The following TCERG1L variants were observed in gnomAD, a reference collection of about 807,000 sequenced individuals.
TCERG1L encodes transcription elongation regulator 1 like, also known as transcription elongation regulator 1-like protein.
TCERG1L carries 37 observed loss-of-function variants against 56.3 expected under a neutral mutation model. The observed-to-expected ratio is 0.66, with a 90% CI of 0.51 to 0.87. The LOEUF (loss-of-function observed/expected upper bound fraction) is 0.87. Among genes scored for constraint, TCERG1L ranks in the 40% least tolerant of loss-of-function variants. The pLI is 0.00. For missense variants in TCERG1L, 799 were observed against 774.2 expected (o/e 1.03, Z -0.38); for synonymous variants, 324 against 326.3 (o/e 0.99, Z 0.08).
At chr10:131,250,667 C>A (rs966107264) in intron 4 of TCERG1L, among the ~76,000 whole-genome samples, 1 of 152,126 alleles carries the variant, frequency 6.6e-6, no homozygotes, top group African/African-American at 2.4e-5. Flanking sequence ...AGTGCCTGCC[C>A]GGGGCCTGCC....
intron 9 of TCERG1L, among the ~76,000 whole-genome samples, chr10:131,107,497 G>C (rs1351283982): frequency 1.3e-5 from 2 of 152,150 alleles, no homozygotes; most frequent in African/African-American, 4.8e-5. Flanking sequence ...CACAGTGGCT[G>C]GGACCCGGGA....
chr10:131,238,756 A>G (rs1845941033), intron 4 of TCERG1L, among the ~76,000 whole-genome samples: 1 of 152,190 alleles, frequency 6.6e-6, no homozygotes, highest in Non-Finnish European at 1.5e-5. Context: ...GGTCCAAGCC[A>G]CTTGCCCATC....
At chr10:131,102,552 ACT>A (rs1478095830) in intron 10 of TCERG1L, among the ~76,000 whole-genome samples, 11 of 151,942 alleles carry the variant, frequency 7.2e-5, no homozygotes, top group African/African-American at 2.7e-4. Context: ...GCTTTATCAG[ACT>A]CTGCTGGTGT....
chr10:131,204,703 G>C (rs1223744768), intron 4 of TCERG1L, among the ~76,000 whole-genome samples: 1 of 152,226 alleles, frequency 6.6e-6, no homozygotes, highest in Non-Finnish European at 1.5e-5. Flanking sequence ...TGCGGGTAAG[G>C]GAAGAATGTT....
Position 131,116,801 on chromosome 10 carries a change from C to T in TCERG1L, c.1393G>A (p.Gly465Arg). The change falls in exon 9 of 12, where the codon GGG becomes AGG. Residue 465 changes from glycine to arginine, a missense_variant and splice_region_variant. By Grantham distance (125) the Gly-to-Arg change is moderately radical. Coordinates refer to ENST00000368642, the MANE Select transcript of TCERG1L (RefSeq NM_174937.4). ...GCCCCTCAGCCGCTGTGCCTTACCC[C>T]TCTCTCCAGCAGCATGTCTCGGAAG... ...THFRDMLLER[G>R]VSAFSTWEKE... is the part of the protein sequence containing the mutation. 6.4e-7 allele frequency: 1 copy of T among 1,560,278 alleles called. No homozygotes were observed. The highest frequency in any genetic ancestry group is 8.7e-7 in the Non-Finnish European group (1 of 1,153,522).
intron 3 of TCERG1L, among the ~76,000 whole-genome samples, chr10:131,263,819 ATC>A (rs948794749): frequency 1.3e-4 from 20 of 152,202 alleles, no homozygotes; most frequent in African/African-American, 3.9e-4. Context: ...TCCCCTTAGG[ATC>A]TCTGTTTGCA....
chr10:131,126,605 G>C (rs758794659), intron 8 of TCERG1L, among the ~76,000 whole-genome samples: 1 of 152,082 alleles, frequency 6.6e-6, no homozygotes, highest in Admixed American at 6.5e-5. Context: ...GCTGGGGACC[G>C]TGTTCATCCA....
At chr10:131,245,262 C>T (rs150142602) in intron 4 of TCERG1L, among the ~76,000 whole-genome samples, 3 of 152,320 alleles carry the variant, frequency 2.0e-5, no homozygotes, top group East Asian at 1.9e-4. Context: ...ATGAAAGGAG[C>T]CTGCAGGAGC....
rs368531720 is a variant in TCERG1L at position 131,280,972 on chromosome 10, T to C, written c.671-20528A>G. Among the ~76,000 whole-genome samples the C allele has an allele frequency of 1.5e-4, 23 of 152,288 alleles. No homozygotes were observed. In the East Asian group the frequency reaches 4.4e-3, roughly 29 times the overall value. On this transcript the variant is annotated intron_variant, in intron 3 of 11. Coordinates refer to ENST00000368642, the MANE Select transcript of TCERG1L (RefSeq NM_174937.4). ...GCCGCACCTTCCCCCTCTGACTCAA[T>C]ATTCATCATTTGACCTTTTAGAGTC...
intron 4 of TCERG1L, among the ~76,000 whole-genome samples, chr10:131,170,458 GT>G (rs1846078078): frequency 6.6e-6 from 1 of 151,976 alleles, no homozygotes; most frequent in South Asian, 2.1e-4. Context: ...AGGCACGGCG[GT>G]AATACCTTTC....
intron 4 of TCERG1L, among the ~76,000 whole-genome samples, chr10:131,219,708 T>C (rs1845710817): frequency 6.6e-6 from 1 of 152,166 alleles, no homozygotes; most frequent in Admixed American, 6.5e-5. Flanking sequence ...CACCGCGGCA[T>C]CCCTGGGGCG....
At chr10:131,198,596 C>T (rs1225837605) in intron 4 of TCERG1L, among the ~76,000 whole-genome samples, 2 of 152,236 alleles carry the variant, frequency 1.3e-5, no homozygotes, top group African/African-American at 4.8e-5. Context: ...TTCCTGGCTG[C>T]CCCCTCCCAT....
intron 6 of TCERG1L, among the ~76,000 whole-genome samples, chr10:131,152,536 C>T (rs551067785): frequency 6.6e-6 from 1 of 152,320 alleles, no homozygotes; most frequent in South Asian, 2.1e-4. Flanking sequence ...CTTCTGAGCC[C>T]TCCAAGTCTC....
intron 8 of TCERG1L, among the ~76,000 whole-genome samples, chr10:131,129,240 A>C (rs1158322760): frequency 6.6e-6 from 1 of 152,270 alleles, no homozygotes; most frequent in East Asian, 1.9e-4. Flanking sequence ...AGGAAATTTA[A>C]ACCATGGCTG....
In TCERG1L at chr10:131,203,756, G is replaced by A. The variant is rs115764269; in HGVS notation, c.857-36871C>T. ...CTGCTTCTGCTCACATCCCGCCGGC[G>A]AGCGCTAGCCCTGGGGGCAGCCTGG... On this transcript the variant is annotated intron_variant, in intron 4 of 11. Transcript: ENST00000368642. Among the ~76,000 whole-genome samples, 357 of 152,282 alleles carry A rather than the reference G, an allele frequency of 2.3e-3. 1 individual carries two copies. The highest frequency in any genetic ancestry group is 8.3e-3 in the African/African-American group (344 of 41,556).
At chr10:131,183,761 G>A (rs1845206668) in intron 4 of TCERG1L, among the ~76,000 whole-genome samples, 1 of 152,200 alleles carries the variant, frequency 6.6e-6, no homozygotes, top group African/African-American at 2.4e-5. Flanking sequence ...TGGGGAGGGG[G>A]GACCCCTGTT....
Position 131,220,809 on chromosome 10 carries a change from TG to T in TCERG1L, c.856+39449del, listed in dbSNP as rs1428028492. On this transcript the variant is annotated intron_variant, in intron 4 of 11. Transcript: ENST00000368642. ...CCAGAGCCAGGATGAGGAAAGGGGG[TG>T]GGGGTGGAGAGCAGCACCTCGGGGG... 2.6e-5 allele frequency among the ~76,000 whole-genome samples: 4 copies of T among 152,058 alleles called. No homozygotes were observed. In the East Asian group the frequency reaches 7.8e-4, roughly 30 times the overall value.
chr10:131,182,255 A>T (rs528069245), intron 4 of TCERG1L, among the ~76,000 whole-genome samples: 1 of 152,156 alleles, frequency 6.6e-6, no homozygotes, highest in Non-Finnish European at 1.5e-5. Flanking sequence ...CCTCCGTAAA[A>T]ATGCATTTTG....
At chr10:131,202,699 CA>C (rs1284432921) in intron 4 of TCERG1L, among the ~76,000 whole-genome samples, 2 of 152,174 alleles carry the variant, frequency 1.3e-5, no homozygotes, top group Non-Finnish European at 2.9e-5. Flanking sequence ...ATCCTCTCCA[CA>C]TTTTCAGGAA....
Sources: gnomAD v4.1 joint callset for allele counts (sites outside exome capture counted in the v4.1 genomes callset) on GRCh38, gnomAD v4.1.1 for gene constraint, MANE v1.5 for transcripts, NCBI Gene and HGNC (gene_info 2026-07-23, HGNC 2026-07-21) for gene names.